NUTM2E: variants seen among roughly 807,000 people sequenced by gnomAD.
NUTM2E encodes NUT family member 2E.
A neutral mutation model predicts 26.1 loss-of-function variants in NUTM2E; 3 were observed. That is an observed-to-expected ratio of 0.12 (90% confidence interval 0.05 to 0.30). The LOEUF (loss-of-function observed/expected upper bound fraction) is 0.30, where lower values mean the gene tolerates loss of function less well. NUTM2E is among the 10% of genes least tolerant of loss of function. The pLI, the probability that NUTM2E is intolerant of heterozygous loss-of-function variation, is 1.00. For missense variants in NUTM2E, 62 were observed against 381.3 expected (o/e 0.16, Z 6.97); for synonymous variants, 13 against 157.5 (o/e 0.08, Z 6.87).
Position 79,838,466 on chromosome 10 carries a change from G to T in NUTM2E, c.-2570G>T, listed in dbSNP as rs549195136. Among the ~76,000 whole-genome samples the T allele has an allele frequency of 9.4e-4, 141 of 149,230 alleles. No homozygotes were observed. Among genetic ancestry groups the T allele is most frequent in the African/African-American group, 3.3e-3 (135 of 40,856 alleles). On this transcript the variant is annotated 5_prime_UTR_variant, in exon 2 of 10. Transcript: ENST00000429984. ...CTACTTCTTTGCTGAACTGCATCAC[G>T]GTTTCAACTGCTGAGGTTTTCTTCA...
At position 79,832,192 on chromosome 10, in the gene NUTM2E, A is replaced by G. The variant is rs572703700; in HGVS notation, c.-2728+4835A>G. Among the ~76,000 whole-genome samples, 83 of 152,050 alleles carry G rather than the reference A, an allele frequency of 5.5e-4. 1 individual carries two copies. Among genetic ancestry groups the G allele is most frequent in the African/African-American group, 2.0e-3 (82 of 41,528 alleles). ...ACATTCAGTTTTAGCAACTGCTAAC[A>G]ATATTACTCTTACACAACCATTTTT... On this transcript the variant is annotated intron_variant, in intron 1 of 9. Coordinates refer to ENST00000429984, the MANE Select transcript of NUTM2E (RefSeq NM_001355263.2).
chr10:79,828,100 G>A (rs1841900672), intron 1 of NUTM2E, among the ~76,000 whole-genome samples: 1 of 151,418 alleles, frequency 6.6e-6, no homozygotes, highest in Admixed American at 6.6e-5. Context: ...CGGCCGACAG[G>A]TGTTTTTTAT....
chr10:79,830,501 A>G (rs1967755), intron 1 of NUTM2E, among the ~76,000 whole-genome samples: 1 of 151,772 alleles, frequency 6.6e-6, no homozygotes, highest in African/African-American at 2.4e-5. Flanking sequence ...ATATGTAAAA[A>G]CATTTGTCAA....
At chr10:79,827,725 ATTTT>A (rs56740272) in intron 1 of NUTM2E, 1 of 146,662 alleles carries the variant, frequency 6.8e-6, no homozygotes, top group Non-Finnish European at 1.5e-5. Context: ...TTGCTGGTCT[ATTTT>A]TTTTTTAATT....
At chr10:79,832,907 A>G (rs1310927075) in intron 1 of NUTM2E, among the ~76,000 whole-genome samples, 1 of 151,800 alleles carries the variant, frequency 6.6e-6, no homozygotes, top group Admixed American at 6.6e-5. Context: ...GGGCATGCCT[A>G]TAGGTATAGT....
rs1841982727 is a variant in NUTM2E, at chr10:79,839,019, G to A, written c.-2210G>A. On this transcript the variant is annotated 5_prime_UTR_variant, in exon 3 of 10. The change creates a premature stop within an existing upstream ORF in the 5' untranslated region. Transcript: ENST00000429984. ...TGGAAATGGAGGGACGCGGCACCTG[G>A]GTGCTTCCTGGGGCCAGACAACGCC... 6.7e-6 allele frequency among the ~76,000 whole-genome samples: 1 copy of A among 150,102 alleles called. No individual in the cohort carries two copies. The highest frequency in any genetic ancestry group is 1.5e-5 in the Non-Finnish European group (1 of 67,416).
Position 79,840,419 on chromosome 10 carries a change from G to T in NUTM2E, c.-1322G>T, listed in dbSNP as rs1427459278. On this transcript the variant is annotated 5_prime_UTR_variant, in exon 4 of 10. Coordinates refer to ENST00000429984, the MANE Select transcript of NUTM2E (RefSeq NM_001355263.2). ...AGGCCTGGGAGCACCCAGACAGACA[G>T]TCACTGCATGGAGGTCACTCCCCTC... Among the ~76,000 whole-genome samples, 2 of 146,654 alleles carry T rather than the reference G, an allele frequency of 1.4e-5. No homozygotes were observed. Among genetic ancestry groups the T allele is most frequent in the African/African-American group, 2.5e-5 (1 of 39,356 alleles).
At chr10:79,847,121 TAG>T (rs1377070639) in intron 6 of NUTM2E, among the ~76,000 whole-genome samples, 163 bp downstream of exon 6, 2 of 112,120 alleles carry the variant, frequency 1.8e-5, no homozygotes, top group Non-Finnish European at 4.6e-5. Context: ...TCCTGCCACC[TAG>T]AGTGTTCTGG....
intron 1 of NUTM2E, among the ~76,000 whole-genome samples, chr10:79,827,919 A>G (rs1841898657): frequency 6.7e-6 from 1 of 149,424 alleles, no homozygotes; most frequent in African/African-American, 2.5e-5. Flanking sequence ...TCAGCCTCCC[A>G]AGTAGCTGGG....
intron 1 of NUTM2E, among the ~76,000 whole-genome samples, chr10:79,836,384 A>G (rs1488350753): frequency 2.0e-5 from 3 of 151,938 alleles, no homozygotes; most frequent in South Asian, 4.2e-4. Flanking sequence ...GGACAATAGC[A>G]TTTCTCTAGG....
At chr10:79,837,737 A>G (rs1841972771) in intron 1 of NUTM2E, among the ~76,000 whole-genome samples, 1 of 152,058 alleles carries the variant, frequency 6.6e-6, no homozygotes, top group Non-Finnish European at 1.5e-5. Context: ...GTGTGTGTGC[A>G]TTTCAGAATG....
chr10:79,839,062 A>C lies in NUTM2E; in HGVS notation c.-2167A>C, dbSNP rs10885540. Among the ~76,000 whole-genome samples the C allele has an allele frequency of 2.7e-5, 4 of 148,714 alleles. No homozygotes were observed. Among genetic ancestry groups the C allele is most frequent in the Non-Finnish European group, 6.0e-5 (4 of 67,158 alleles). On this transcript the variant is annotated 5_prime_UTR_variant, in exon 3 of 10. It removes an upstream start codon present in the reference 5' UTR. Transcript: ENST00000429984. ...ACAACGCCCCCTCATTGGAACCTCC[A>C]TGACCGTGCCTCTGAGAAACCAGCG...
chr10:79,848,486 G>A lies in NUTM2E; in HGVS notation c.1352-27G>A, dbSNP rs769856986. Reference sequence around the variant, plus strand: ...GAGCAGGAGGAGCGGCCCTCACCACGCCCGTCCTCCTCCCTCTCTGCCTCA... The same window carrying A: ...GAGCAGGAGGAGCGGCCCTCACCACACCCGTCCTCCTCCCTCTCTGCCTCA... On this transcript the variant is annotated intron_variant, in intron 7 of 9. Coordinates refer to ENST00000429984, the MANE Select transcript of NUTM2E (RefSeq NM_001355263.2). The A allele has an allele frequency of 3.8e-5, 19 of 502,866 alleles. 2 individuals carry two copies. The highest frequency in any genetic ancestry group is 6.5e-5 in the South Asian group (3 of 45,990). 31.2% of individuals were successfully genotyped at this position (502,866 alleles called of 1,614,324 possible).
Position 79,836,984 on chromosome 10 carries a change from G to A in NUTM2E, c.-2727-1325G>A, listed in dbSNP as rs191992883. ...ACACTAGAGGAAATATTTCTGCTTA[G>A]TTTTAGAAGGAAGAGAAAAAAAAAT... On this transcript the variant is annotated intron_variant, in intron 1 of 9. Coordinates refer to ENST00000429984, the MANE Select transcript of NUTM2E (RefSeq NM_001355263.2). Among the ~76,000 whole-genome samples, 14 of 151,768 alleles carry A rather than the reference G, an allele frequency of 9.2e-5. 1 individual carries two copies. The East Asian group carries it at 2.7e-3, about 29-fold the overall frequency.
intron 1 of NUTM2E, among the ~76,000 whole-genome samples, chr10:79,828,227 A>AT (rs1477346336): frequency 6.6e-6 from 1 of 151,910 alleles, no homozygotes; most frequent in Non-Finnish European, 1.5e-5. Flanking sequence ...GGATTTATTC[A>AT]TTTTCAGATG....
intron 6 of NUTM2E, among the ~76,000 whole-genome samples, chr10:79,847,681 TGGACCTCGTGGC>T (rs1842029725): frequency 1.6e-5 from 1 of 61,048 alleles, no homozygotes; most frequent in African/African-American, 5.9e-5. Flanking sequence ...GAGACCCTCC[TGGACCTCGTGGC>T]CCTGAGTTGA....
chr10:79,831,235 A>G (rs574422227), intron 1 of NUTM2E, among the ~76,000 whole-genome samples: 2 of 151,856 alleles, frequency 1.3e-5, no homozygotes, highest in South Asian at 4.2e-4. Context: ...GATTCTTGAC[A>G]TCTGGCCTAG....
chr10:79,849,046 T>C lies in NUTM2E; in HGVS notation c.1734+151T>C. Among the ~76,000 whole-genome samples, 2 of 112,634 alleles carry C rather than the reference T, an allele frequency of 1.8e-5. 1 individual carries two copies. Among genetic ancestry groups the C allele is most frequent in the Non-Finnish European group, 4.5e-5 (2 of 44,234 alleles). 73.9% of individuals were successfully genotyped at this position (112,634 alleles called of 152,430 possible). On this transcript the variant is annotated intron_variant, in intron 8 of 9. Coordinates refer to ENST00000429984, the MANE Select transcript of NUTM2E (RefSeq NM_001355263.2). ...GTATGTGATTGTGTGTGTCTGTGTG[T>C]TTGTGTCTGTGGTTTGTTACTGTGT...
In NUTM2E at chr10:79,840,648, G is replaced by A. The variant is rs559169631; in HGVS notation, c.-1093G>A. Among the ~76,000 whole-genome samples, 16 of 151,012 alleles carry A rather than the reference G, an allele frequency of 1.1e-4. No individual in the cohort carries two copies. Among genetic ancestry groups the A allele is most frequent in the East Asian group, 1.9e-4 (1 of 5,136 alleles). On this transcript the variant is annotated 5_prime_UTR_variant, in exon 4 of 10. Coordinates refer to ENST00000429984, the MANE Select transcript of NUTM2E (RefSeq NM_001355263.2). Reference sequence around the variant, plus strand: ...CTGCCCCTGCCCCTGCAGTGTGGCCGCTGTTACATTTTCCTGCAACTCTGC... The same window carrying A: ...CTGCCCCTGCCCCTGCAGTGTGGCCACTGTTACATTTTCCTGCAACTCTGC...
Sources: gnomAD v4.1 joint callset for allele counts (sites outside exome capture counted in the v4.1 genomes callset) on GRCh38, gnomAD v4.1.1 for gene constraint, MANE v1.5 for transcripts, NCBI Gene and HGNC (gene_info 2026-07-23, HGNC 2026-07-21) for gene names.